TENM3: variants seen among roughly 807,000 people sequenced by gnomAD.
TENM3 encodes teneurin-3.
Under a neutral mutation model 255.1 loss-of-function variants are expected in TENM3, and 63 were observed. The ratio of observed to expected loss-of-function variants is 0.25; its 90% CI spans 0.20 to 0.30. TENM3 has a LOEUF of 0.30. Ranked by LOEUF, TENM3 falls within the 10% of genes least tolerant of loss-of-function variation. TENM3 has a pLI of 1.00. For missense variants in TENM3, 2,929 were observed against 3,461.1 expected (o/e 0.85, Z 3.86); for synonymous variants, 1,306 against 1,322.3 (o/e 0.99, Z 0.27).
chr4:182,767,589 G>T (rs1763825875), intron 22 of TENM3, among the ~76,000 whole-genome samples: 2 of 151,746 alleles, frequency 1.3e-5, no homozygotes, highest in African/African-American at 4.9e-5. Flanking sequence ...TGTGTTTCTG[G>T]GTGGGTGTGT....
At chr4:182,781,871 C>T (rs1414718900) in intron 24 of TENM3, among the ~76,000 whole-genome samples, 1 of 151,290 alleles carries the variant, frequency 6.6e-6, no homozygotes, top group Non-Finnish European at 1.5e-5. Context: ...TCTGATGGTA[C>T]TTTGTATTTC....
At chr4:181,772,308 A>G in the TENM3 span, among the ~76,000 whole-genome samples, 1 of 151,852 alleles carries the variant, frequency 6.6e-6, no homozygotes, top group Non-Finnish European at 1.5e-5. Flanking sequence ...AACCCGGGAG[A>G]TGGAGGTTGC....
At chr4:181,649,771 A>G in the TENM3 span, among the ~76,000 whole-genome samples, 1 of 152,320 alleles carries the variant, frequency 6.6e-6, no homozygotes, top group East Asian at 1.9e-4. Context: ...GGGGATAAAT[A>G]ATGTTTGACA....
chr4:182,487,378 T>C (rs1002485539), intron 3 of TENM3, among the ~76,000 whole-genome samples: 2 of 152,206 alleles, frequency 1.3e-5, no homozygotes, highest in African/African-American at 4.8e-5. Context: ...AACTATCGCA[T>C]ATCAAGGTTG....
At chr4:181,950,370 T>G in the TENM3 span, among the ~76,000 whole-genome samples, 2 of 152,226 alleles carry the variant, frequency 1.3e-5, no homozygotes, top group African/African-American at 2.4e-5. Flanking sequence ...ACAGCCATGT[T>G]GCTCACACAA....
At chr4:181,625,428 G>A in the TENM3 span, among the ~76,000 whole-genome samples, 1 of 152,152 alleles carries the variant, frequency 6.6e-6, no homozygotes, top group Non-Finnish European at 1.5e-5. Flanking sequence ...CCCATCAGCA[G>A]AGGACTCCAT....
chr4:182,102,480 G>A, the TENM3 span, among the ~76,000 whole-genome samples: 296 of 152,278 alleles, frequency 1.9e-3, 5 homozygotes, highest in Middle Eastern at 0.017. Context: ...GGGATGTCCC[G>A]TCTAATGTCA....
chr4:182,005,158 A>G, the TENM3 span, among the ~76,000 whole-genome samples: 1 of 152,164 alleles, frequency 6.6e-6, no homozygotes, highest in African/African-American at 2.4e-5. Context: ...CTATGTCCTG[A>G]ATGGTATTGC....
chr4:181,685,002 A>G, the TENM3 span, among the ~76,000 whole-genome samples: 2 of 146,852 alleles, frequency 1.4e-5, no homozygotes, highest in Admixed American at 1.4e-4. Flanking sequence ...CTAGGCTCAA[A>G]TGATCCTCCC....
the TENM3 span, among the ~76,000 whole-genome samples, chr4:181,830,426 T>C: frequency 2.0e-5 from 3 of 152,016 alleles, no homozygotes; most frequent in Non-Finnish European, 4.4e-5. Context: ...TGTGCCATCA[T>C]GCCCAGCTAA....
At chr4:182,563,147 G>T (rs1333109245) in intron 3 of TENM3, among the ~76,000 whole-genome samples, 1 of 152,122 alleles carries the variant, frequency 6.6e-6, no homozygotes, top group East Asian at 1.9e-4. Context: ...GGGCATGGTG[G>T]CTCACACCCG....
intron 1 of TENM3, among the ~76,000 whole-genome samples, chr4:182,148,824 A>G (rs1057375146): frequency 4.6e-5 from 7 of 151,990 alleles, no homozygotes; most frequent in Admixed American, 4.6e-4. Flanking sequence ...TCAGCTTTTA[A>G]GTCTCTTCTG....
chr4:181,900,338 C>G, the TENM3 span, among the ~76,000 whole-genome samples: 5 of 152,058 alleles, frequency 3.3e-5, no homozygotes, highest in Non-Finnish European at 5.9e-5. Flanking sequence ...TATCATCATT[C>G]AAAAGTTCAC....
chr4:182,346,572 T>C (rs1279748962), intron 2 of TENM3, 79 bp from the exon 3 acceptor site: 3 of 1,104,574 alleles, frequency 2.7e-6, no homozygotes, highest in Non-Finnish European at 2.4e-6. Flanking sequence ...TGAAAGACAT[T>C]CTTAAAAAAA....
At chr4:181,624,142 C>T in the TENM3 span, among the ~76,000 whole-genome samples, 10 of 152,120 alleles carry the variant, frequency 6.6e-5, no homozygotes, top group African/African-American at 1.7e-4. Context: ...ACAAGATGGG[C>T]GAGGTTGCAC....
intron 3 of TENM3, among the ~76,000 whole-genome samples, chr4:182,568,875 A>G (rs952470838): frequency 5.9e-5 from 9 of 152,268 alleles, no homozygotes; most frequent in Admixed American, 3.3e-4. Context: ...GTGGCCAGGC[A>G]CAAACGAGTA....
chr4:182,707,058 A>T (rs1481447342), intron 12 of TENM3, among the ~76,000 whole-genome samples: 3 of 152,102 alleles, frequency 2.0e-5, no homozygotes, highest in African/African-American at 2.4e-5. Context: ...GACGATTTAC[A>T]CATTAAGTCA....
intron 7 of TENM3, among the ~76,000 whole-genome samples, chr4:182,679,216 AAAG>A (rs1755910660): frequency 1.3e-5 from 2 of 152,134 alleles, no homozygotes; most frequent in Admixed American, 6.5e-5. Context: ...AATTTAAAAA[AAAG>A]AAAGAGTAGA....
chr4:182,318,371 T>C (rs1039321138), intron 1 of TENM3, among the ~76,000 whole-genome samples: 1 of 152,212 alleles, frequency 6.6e-6, no homozygotes, highest in African/African-American at 2.4e-5. Flanking sequence ...AAAATCAAGT[T>C]ACTTTCTAAA....
Sources: allele counts gnomAD v4.1 joint callset (sites outside exome capture counted in the v4.1 genomes callset), GRCh38; gene constraint gnomAD v4.1.1; transcripts MANE v1.5; gene names NCBI Gene and HGNC (gene_info 2026-07-23, HGNC 2026-07-21).